The following ZZEF1 variants were observed in gnomAD, a reference collection of about 807,000 sequenced individuals.
ZZEF1 encodes the protein zinc finger ZZ-type and EF-hand domain-containing protein 1.
In ZZEF1, 157 loss-of-function variants were observed where a neutral mutation model predicts 342.8. The ratio of observed to expected loss-of-function variants is 0.46; its 90% CI spans 0.40 to 0.52. The LOEUF (loss-of-function observed/expected upper bound fraction) is 0.52, where lower values mean the gene tolerates loss of function less well. Among genes scored for constraint, ZZEF1 ranks in the 20% least tolerant of loss-of-function variants. The probability of loss-of-function intolerance (pLI) is 0.00; values close to 1 mark genes in which losing one functional copy is unlikely to be tolerated. For synonymous variants in ZZEF1, 1,505 were observed against 1,429.1 expected (o/e 1.05, Z -1.20); for missense variants, 3,480 against 3,725.6 (o/e 0.93, Z 1.72).
intron 13 of ZZEF1, 64 bp from the exon 14 acceptor site, chr17:4,087,598 G>A: frequency 3.6e-6 from 5 of 1,379,086 alleles, no homozygotes; most frequent in Admixed American, 2.2e-5. Context: ...ATACTGTAAT[G>A]CCTCATTTAC....
intron 18 of ZZEF1, among the ~76,000 whole-genome samples, chr17:4,078,562 GAAC>G (rs1427579620): frequency 6.6e-6 from 1 of 152,238 alleles, no homozygotes; most frequent in African/African-American, 2.4e-5. Flanking sequence ...GTAGAAAGAA[GAAC>G]AAGGAAATGG....
intron 53 of ZZEF1, 99 bp downstream of exon 53, chr17:4,009,505 C>A (rs2055888800): frequency 1.3e-6 from 2 of 1,544,694 alleles, no homozygotes; most frequent in Non-Finnish European, 1.8e-6. Context: ...AGACCCTGGC[C>A]ACTCAGGCTC....
intron 1 of ZZEF1, among the ~76,000 whole-genome samples, chr17:4,127,830 G>C (rs756116248): frequency 6.6e-6 from 1 of 152,176 alleles, no homozygotes; most frequent in Non-Finnish European, 1.5e-5. Flanking sequence ...GACTGGAAAA[G>C]TATTCTCTGG....
chr17:4,089,011 CATT>C (rs1482579878), intron 12 of ZZEF1, 118 bp from the exon 13 acceptor site: 5 of 851,278 alleles, frequency 5.9e-6, no homozygotes, highest in East Asian at 5.3e-5. Context: ...TATTAGGAAA[CATT>C]ATGCTCAGCA....
At chr17:4,122,098 G>C (rs1248343704) in intron 2 of ZZEF1, among the ~76,000 whole-genome samples, 1 of 151,936 alleles carries the variant, frequency 6.6e-6, no homozygotes, top group Non-Finnish European at 1.5e-5. Context: ...AAGCTAGAGG[G>C]TCAAGAGCAA....
At chr17:4,119,200 A>G (rs1311936869) in intron 2 of ZZEF1, among the ~76,000 whole-genome samples, 2 of 152,256 alleles carry the variant, frequency 1.3e-5, no homozygotes, top group African/African-American at 4.8e-5. Flanking sequence ...TACAGCAGCT[A>G]CAATCGGAGT....
At chr17:4,035,607 C>G (rs1428362708) in intron 39 of ZZEF1, among the ~76,000 whole-genome samples, 1 of 152,120 alleles carries the variant, frequency 6.6e-6, no homozygotes, top group Non-Finnish European at 1.5e-5. Context: ...GTGAGGAGGG[C>G]AAAAACGCAG....
chr17:4,055,852 C>T (rs1045580094), intron 33 of ZZEF1, among the ~76,000 whole-genome samples: 2 of 152,190 alleles, frequency 1.3e-5, no homozygotes, highest in African/African-American at 4.8e-5. Flanking sequence ...ACAATTTCTG[C>T]ACAGGACTGG....
chr17:4,116,634 G>C (rs959544866), intron 3 of ZZEF1, among the ~76,000 whole-genome samples: 2 of 152,206 alleles, frequency 1.3e-5, no homozygotes, highest in Non-Finnish European at 2.9e-5. Flanking sequence ...ACACACAAGT[G>C]AATCAATAAT....
In ZZEF1 at chr17:4,137,165, G is replaced by A. The variant is rs527880198; in HGVS notation, c.354+5377C>T. On this transcript the variant is annotated intron_variant, in intron 1 of 54. Transcript: ENST00000381638. ...CCACTGAAGTTTCTAAAGCAAGGCA[G>A]TACCATGGTGAGGTGGTATTTTGGA... Among the ~76,000 whole-genome samples the A allele has an allele frequency of 2.2e-4, 34 of 152,260 alleles. 1 individual carries two copies. The South Asian group carries it at 7.0e-3, about 32-fold the overall frequency.
rs1597765709 is a variant in ZZEF1, at chr17:4,019,773, G to A, written c.7405-4C>T. ...CATTGAGGGCATCATGAGCCATCTGGAGGCCAGGGGAGGACGCAGACAAGA... is the reference window on the plus strand; with the variant it reads ...CATTGAGGGCATCATGAGCCATCTGAAGGCCAGGGGAGGACGCAGACAAGA... On this transcript the variant is annotated splice_region_variant and splice_polypyrimidine_tract_variant and intron_variant, in intron 45 of 54. Transcript: ENST00000381638. 1 of 1,601,528 alleles carries A rather than the reference G, an allele frequency of 6.2e-7. No individual in the cohort carries two copies. Among genetic ancestry groups the A allele is most frequent in the East Asian group, 2.3e-5 (1 of 44,210 alleles).
At chr17:4,077,722 G>A (rs372448239) in intron 19 of ZZEF1, among the ~76,000 whole-genome samples, 161 bp downstream of exon 19, 1 of 152,252 alleles carries the variant, frequency 6.6e-6, no homozygotes, top group South Asian at 2.1e-4. Context: ...AAAAAGACAT[G>A]CTGTTGAATT....
At position 4,017,480 on chromosome 17, in the gene ZZEF1, G is replaced by A. The variant is rs1270532218; in HGVS notation, c.7892C>T (p.Pro2631Leu). 1.2e-6 allele frequency: 2 copies of A among 1,614,144 alleles called. No individual in the cohort carries two copies. Residue 2631 changes from proline to leucine, a missense_variant, in exon 48 of 55, where the codon CCT becomes CTT. Around this residue, in one of 5 missense-constraint regions of ZZEF1, gnomAD observed 1,269 missense variants for 1,342.4 expected, o/e 0.95. Coordinates refer to ENST00000381638, the MANE Select transcript of ZZEF1 (RefSeq NM_015113.4). This position sits in a 1 kb window ranked among gnomAD's most constrained non-coding sequence, Gnocchi z 5.1. Reference protein sequence around the residue: ...HVLASLLAEWPSHVPVSEDIL... With the variant: ...HVLASLLAEWLSHVPVSEDIL... ...GTCCTCGCTCACTGGCACGTGGCTA[G>A]GCCACTCGGCGAGCAGGGATGCAAG...
intron 52 of ZZEF1, among the ~76,000 whole-genome samples, chr17:4,012,154 T>C (rs2055978561): frequency 1.3e-5 from 2 of 152,164 alleles, no homozygotes; most frequent in Non-Finnish European, 2.9e-5. Flanking sequence ...CAGGAGACCA[T>C]GGAGATGTTC....
At chr17:4,043,664 T>A (rs1357812235) in intron 38 of ZZEF1, among the ~76,000 whole-genome samples, 3 of 152,202 alleles carry the variant, frequency 2.0e-5, no homozygotes, top group Admixed American at 2.0e-4. Flanking sequence ...TTCCACTCCA[T>A]CCCTACACAC....
At chr17:4,100,477 G>T (rs890314548) in intron 9 of ZZEF1, among the ~76,000 whole-genome samples, 2 of 152,176 alleles carry the variant, frequency 1.3e-5, no homozygotes, top group African/African-American at 2.4e-5. Context: ...GCAGGAAGGA[G>T]AACTGGGTAG....
intron 4 of ZZEF1, 69 bp downstream of exon 4, chr17:4,114,230 A>G: frequency 7.9e-7 from 1 of 1,270,414 alleles, no homozygotes; most frequent in Non-Finnish European, 1.0e-6. Context: ...TTAAAATACA[A>G]AGAGTAGGCA....
At position 4,087,674 on chromosome 17, in the gene ZZEF1, T is replaced by C. The variant is rs2057858489; in HGVS notation, c.2242-140A>G. On this transcript the variant is annotated intron_variant, in intron 13 of 54. Transcript: ENST00000381638. Reference sequence around the variant, plus strand: ...ACTTTCATATTACTGATGCTTACTCTTAACTACAAAAAGGTTTGCCAACAA... The same window carrying C: ...ACTTTCATATTACTGATGCTTACTCCTAACTACAAAAAGGTTTGCCAACAA... 4.1e-6 allele frequency: 3 copies of C among 735,246 alleles called. No homozygotes were observed. In the South Asian group the frequency reaches 6.3e-5, roughly 15 times the overall value. 45.5% of individuals were successfully genotyped at this position (735,246 alleles called of 1,614,324 possible).
intron 1 of ZZEF1, among the ~76,000 whole-genome samples, chr17:4,134,118 C>T (rs2058711002): frequency 1.3e-5 from 2 of 151,838 alleles, no homozygotes; most frequent in South Asian, 4.2e-4. Flanking sequence ...AAAATTACCA[C>T]AGCTTTGTGA....
Sources: gnomAD v4.1 joint callset for allele counts (sites outside exome capture counted in the v4.1 genomes callset) on GRCh38, gnomAD v4.1.1 for gene constraint, gnomAD v4.1.1 regional missense constraint, Gnocchi (gnomAD v3.1) non-coding constraint, MANE v1.5 for transcripts, NCBI Gene and HGNC (gene_info 2026-07-23, HGNC 2026-07-21) for gene names.